Variants in LRP1B observed in about 807,000 individuals in gnomAD.
LRP1B encodes low-density lipoprotein receptor-related protein 1B.
In LRP1B, 217 loss-of-function variants were observed where a neutral mutation model predicts 556.6. The observed-to-expected ratio is 0.39, with a 90% CI of 0.35 to 0.44. The LOEUF is 0.44. Ranked by LOEUF, LRP1B falls within the 20% of genes least tolerant of loss-of-function variation. LRP1B has a pLI of 1.00. For missense variants in LRP1B, 5,053 were observed against 5,620.8 expected (o/e 0.90, Z 3.23); for synonymous variants, 2,047 against 1,865.8 (o/e 1.10, Z -2.50).
intron 1 of LRP1B, among the ~76,000 whole-genome samples, chr2:141,909,503 T>G (rs1019779121): frequency 6.6e-6 from 1 of 150,636 alleles, no homozygotes; most frequent in Non-Finnish European, 1.5e-5. Context: ...CTGGGTTAAT[T>G]TAATCAGACT....
intron 80 of LRP1B, among the ~76,000 whole-genome samples, chr2:140,325,551 T>C (rs1680428813): frequency 6.6e-6 from 1 of 152,134 alleles, no homozygotes; most frequent in Non-Finnish European, 1.5e-5. Flanking sequence ...GCCATGTTTG[T>C]TCAAGTCAAG....
chr2:142,092,441 C>T (rs1343468209), intron 1 of LRP1B, among the ~76,000 whole-genome samples: 1 of 151,966 alleles, frequency 6.6e-6, no homozygotes, highest in East Asian at 1.9e-4. Flanking sequence ...CTGAACATTG[C>T]CCTCAAGGTC....
chr2:142,041,454 G>A (rs1413106573), intron 1 of LRP1B, among the ~76,000 whole-genome samples: 1 of 151,350 alleles, frequency 6.6e-6, no homozygotes, highest in East Asian at 1.9e-4. Context: ...TTTTTAAAAA[G>A]GGCAATAATT....
intron 42 of LRP1B, 148 bp from the exon 43 acceptor site, chr2:140,598,983 G>A (rs1682550119): frequency 9.7e-6 from 6 of 616,250 alleles, no homozygotes; most frequent in South Asian, 8.1e-5. Context: ...GTAATAAAAG[G>A]AGATATGCAT....
At chr2:140,311,490 T>G (rs1473445759) in intron 83 of LRP1B, among the ~76,000 whole-genome samples, 1 of 151,812 alleles carries the variant, frequency 6.6e-6, no homozygotes, top group African/African-American at 2.4e-5. Flanking sequence ...CACGTAGACA[T>G]GTTGTGGAAT....
At chr2:141,010,414 G>A (rs1697706465) in intron 14 of LRP1B, among the ~76,000 whole-genome samples, 1 of 151,946 alleles carries the variant, frequency 6.6e-6, no homozygotes, top group African/African-American at 2.4e-5. Context: ...AAATCCCCAA[G>A]AATTACTTAA....
chr2:140,912,357 A>G (rs1359074528), intron 21 of LRP1B, among the ~76,000 whole-genome samples: 1 of 151,732 alleles, frequency 6.6e-6, no homozygotes, highest in Non-Finnish European at 1.5e-5. Flanking sequence ...AACAAATATC[A>G]CAGATTTCTT....
intron 2 of LRP1B, among the ~76,000 whole-genome samples, chr2:141,742,333 C>A (rs961250175): frequency 6.6e-6 from 1 of 150,916 alleles, no homozygotes; most frequent in Non-Finnish European, 1.5e-5. Context: ...CTCACTGACA[C>A]GGCCGCCTCC....
rs186506036 is a variant in LRP1B, at chr2:140,387,874, A to T, written c.10415-1865T>A. On this transcript the variant is annotated intron_variant, in intron 66 of 90. Coordinates refer to ENST00000389484, the MANE Select transcript of LRP1B (RefSeq NM_018557.3). ...TTGCCAGTTATAATAAACTCTAAAA[A>T]TACTGTTCCATGTGTAAACATTAGT... Among the ~76,000 whole-genome samples the T allele has an allele frequency of 2.2e-4, 34 of 151,914 alleles. 3 individuals are homozygous for T. Among genetic ancestry groups the T allele is most frequent in the African/African-American group, 6.5e-4 (27 of 41,452 alleles).
chr2:141,112,071 T>TACATAATA lies in LRP1B; in HGVS notation c.1014-49799_1014-49798insTATTATGT, dbSNP rs111423253. On this transcript the variant is annotated intron_variant, in intron 7 of 90. Transcript: ENST00000389484. ...AAAAATAAATAAATAAATAAATAAATAATAAATAAATAAATAAATAAATAA... is the reference window on the plus strand; with the variant it reads ...AAAAATAAATAAATAAATAAATAAATACATAATAAATAAATAAATAAATAAATAAATAA... 4.0e-4 allele frequency among the ~76,000 whole-genome samples: 59 copies of TACATAATA among 145,822 alleles called. 1 individual carries two copies. Among genetic ancestry groups the TACATAATA allele is most frequent in the East Asian group, 2.0e-3 (10 of 5,012 alleles).
intron 2 of LRP1B, among the ~76,000 whole-genome samples, chr2:141,653,486 C>T (rs984698195): frequency 3.9e-5 from 6 of 152,146 alleles, no homozygotes; most frequent in Admixed American, 1.3e-4. Context: ...GGCATCAAGG[C>T]CAATAGAACA....
At chr2:141,285,460 T>C (rs1467683395) in intron 3 of LRP1B, among the ~76,000 whole-genome samples, 7 of 144,698 alleles carry the variant, frequency 4.8e-5, no homozygotes, top group Admixed American at 1.4e-4. Flanking sequence ...TTTTTCTTTT[T>C]TTTTTTTTTT....
At chr2:141,881,471 G>A (rs948479301) in intron 1 of LRP1B, among the ~76,000 whole-genome samples, 9 of 152,018 alleles carry the variant, frequency 5.9e-5, no homozygotes, top group Admixed American at 1.3e-4. Flanking sequence ...AAATTAAACT[G>A]AAAAATCGTT....
intron 5 of LRP1B, among the ~76,000 whole-genome samples, chr2:141,243,792 C>T (rs557704354): frequency 7.9e-5 from 12 of 152,164 alleles, no homozygotes; most frequent in East Asian, 1.9e-4. Context: ...TCTTACTAAG[C>T]GTAGAAAGGA....
intron 41 of LRP1B, among the ~76,000 whole-genome samples, chr2:140,613,478 A>G (rs1417173289): frequency 7.1e-6 from 1 of 141,006 alleles, no homozygotes; most frequent in Non-Finnish European, 1.6e-5. Context: ...TCCCATGGTG[A>G]GTGCACTCCA....
At chr2:141,683,036 T>C (rs1691159850) in intron 2 of LRP1B, among the ~76,000 whole-genome samples, 1 of 152,130 alleles carries the variant, frequency 6.6e-6, no homozygotes, top group Non-Finnish European at 1.5e-5. Flanking sequence ...TGGCAGGCTC[T>C]AGAAGCTGAA....
chr2:141,933,482 C>T (rs1029097019), intron 1 of LRP1B, among the ~76,000 whole-genome samples: 3 of 152,048 alleles, frequency 2.0e-5, no homozygotes, highest in Non-Finnish European at 1.5e-5. Context: ...AAACCAAAGG[C>T]CTACATGAGG....
intron 3 of LRP1B, among the ~76,000 whole-genome samples, chr2:141,472,293 C>A (rs1449628261): frequency 6.6e-6 from 1 of 152,174 alleles, no homozygotes; most frequent in East Asian, 1.9e-4. Flanking sequence ...TGCCTGTAAT[C>A]CTAGCACTTT....
At chr2:140,353,918 G>A (rs1682090472) in intron 75 of LRP1B, among the ~76,000 whole-genome samples, 1 of 152,008 alleles carries the variant, frequency 6.6e-6, no homozygotes, top group South Asian at 2.1e-4. Context: ...TGTGAATTAA[G>A]CAAGCAAAAT....
Sources: gnomAD v4.1 joint callset for allele counts (sites outside exome capture counted in the v4.1 genomes callset) on GRCh38, gnomAD v4.1.1 for gene constraint, MANE v1.5 for transcripts, NCBI Gene and HGNC (gene_info 2026-07-23, HGNC 2026-07-21) for gene names.